LGI3: variants seen among roughly 807,000 people sequenced by gnomAD.
The protein encoded by LGI3 is leucine-rich repeat LGI family member 3.
In LGI3, 47 loss-of-function variants were observed where a neutral mutation model predicts 55.4. The ratio of observed to expected loss-of-function variants is 0.85; its 90% CI spans 0.67 to 1.08. LGI3 has a LOEUF of 1.08. LGI3 is among the 50% of genes least tolerant of loss of function. LGI3 has a pLI of 0.00. For synonymous variants in LGI3, 326 were observed against 315.0 expected, an observed-to-expected ratio of 1.04 and a Z score of -0.37; for missense variants, 664 against 726.3, an observed-to-expected ratio of 0.91 and a Z score of 0.99.
rs1358420422 is a variant in LGI3, at chr8:22,146,915, C to T, written c.*1245G>A. On this transcript the variant is annotated 3_prime_UTR_variant, in exon 8 of 8. Coordinates refer to ENST00000306317, the MANE Select transcript of LGI3 (RefSeq NM_139278.4). ...TGGTATCCTGCTACAAGGAGCATCA[C>T]ACCATTTGGGCACATGGTGTGCCCT... 1 of 152,260 alleles carries T rather than the reference C, an allele frequency of 6.6e-6. No individual in the cohort carries two copies. Among genetic ancestry groups the T allele is most frequent in the African/African-American group, 2.4e-5 (1 of 41,462 alleles). 9.4% of individuals were successfully genotyped at this position (152,260 alleles called of 1,614,324 possible).
At chr8:22,156,235 C>A in intron 1 of LGI3, 102 bp downstream of exon 1, 1 of 1,287,628 alleles carries the variant, frequency 7.8e-7, no homozygotes, top group South Asian at 1.3e-5. Flanking sequence ...CCCTGGTCCC[C>A]GCACTCTGAA....
chr8:22,156,411 AG>A lies in LGI3; in HGVS notation c.131del (p.Ser44PhefsTer26), dbSNP rs770398144. ...CGCAGAAGGCGGTGTCCCTGGTGCAAGAGCAGCTGGGCGGGCAGGGGGGCGT... is the reference window on the plus strand; with the variant it reads ...CGCAGAAGGCGGTGTCCCTGGTGCAAAGCAGCTGGGCGGGCAGGGGGGCGT... ...PKTPPCPPSC[S>X]CTRDTAFCVD... On this transcript the variant is annotated frameshift_variant, in exon 1 of 8. Transcript: ENST00000306317. LOFTEE classifies it high-confidence loss of function. 6.3e-7 allele frequency: 1 copy of A among 1,596,248 alleles called. No individual in the cohort carries two copies. The highest frequency in any genetic ancestry group is 2.3e-5 in the East Asian group (1 of 43,370).
intron 2 of LGI3, 72 bp downstream of exon 2, chr8:22,155,320 C>A: frequency 7.0e-7 from 1 of 1,430,890 alleles, no homozygotes; most frequent in Non-Finnish European, 9.8e-7. Context: ...CTCTCCCTCT[C>A]CCCAGCCCAG....
chr8:22,148,295 C>A lies in LGI3; in HGVS notation c.1512G>T (p.Arg504=), dbSNP rs200683810. 2.5e-6 allele frequency: 4 copies of A among 1,614,156 alleles called. No individual in the cohort carries two copies. The highest frequency in any genetic ancestry group is 4.5e-5 in the East Asian group (2 of 44,886). ...QWDEGRQKFV[R]FQELAVQAPR... is the part of the protein sequence containing the mutation. ...GAGCCTGCACAGCCAGCTCCTGGAA[C>A]CGTACAAACTTCTGTCGTCCCTCAT... is the stretch of plus-strand genomic sequence containing the variant. The change falls in exon 8 of 8, where the codon CGG becomes CGT. Residue 504 remains arginine, a synonymous_variant. Transcript: ENST00000306317. This position sits in a 1 kb window ranked among gnomAD's most constrained non-coding sequence, Gnocchi z 7.0.
rs979491685 is a variant in LGI3, at chr8:22,147,842, G to C, written c.*318C>G. ...GAGGATGCGGCCCCCCTCGCTCCCA[G>C]CACCCCGCACCACTCGTGCATGAGA... On this transcript the variant is annotated 3_prime_UTR_variant, in exon 8 of 8. Transcript: ENST00000306317. 1 of 305,296 alleles carries C rather than the reference G, an allele frequency of 3.3e-6. No individual in the cohort carries two copies. The highest frequency in any genetic ancestry group is 2.2e-5 in the African/African-American group (1 of 46,458). 18.9% of individuals were successfully genotyped at this position (305,296 alleles called of 1,614,324 possible).
rs564873871 is a variant in LGI3, at chr8:22,147,461, C to G, written c.*699G>C. 1.1e-4 allele frequency: 16 copies of G among 152,296 alleles called. No individual in the cohort carries two copies. Among genetic ancestry groups the G allele is most frequent in the African/African-American group, 3.4e-4 (14 of 41,420 alleles). 9.4% of individuals were successfully genotyped at this position (152,296 alleles called of 1,614,324 possible). A position where few individuals can be genotyped will look rare whatever the true frequency, so the allele number is the denominator to read the frequency against. On this transcript the variant is annotated 3_prime_UTR_variant, in exon 8 of 8. Coordinates refer to ENST00000306317, the MANE Select transcript of LGI3 (RefSeq NM_139278.4). ...GCCCTCAGAAGCTGGCACCACCATT[C>G]TCATCCTTATCAGTTCCGGGGGGGG... is the stretch of plus-strand genomic sequence containing the variant.
At position 22,148,410 on chromosome 8, in the gene LGI3, C is replaced by T. The variant is rs541459476; in HGVS notation, c.1397G>A (p.Gly466Asp). 1.2e-6 allele frequency: 2 copies of T among 1,612,640 alleles called. No individual in the cohort carries two copies. The highest frequency in any genetic ancestry group is 2.2e-5 in the East Asian group (1 of 44,864). ...AAGGAAGGGCTGCAGGGCCAGCGAG[C>T]CCCGGGAGGGCAGGGCCTGCACCTC... is the stretch of plus-strand genomic sequence containing the variant. ...FSEVQALPSR[G>D]SLALQPFLVG... The change falls in exon 8 of 8, where the codon GGC (glycine) becomes GAC (aspartate). Residue 466 changes from glycine (G) to aspartate (D), a missense_variant. Gly to Asp is a moderately conservative substitution (Grantham distance 94, BLOSUM62 -1). Transcript: ENST00000306317. The surrounding 1 kb of genome is among the most constrained non-coding windows in gnomAD (Gnocchi z 7.0).
rs752605753 is a variant in LGI3, at chr8:22,151,981, G to A, written c.514C>T (p.Leu172Phe). ...LNDLDLRGNS[L>F]NCDCKVKWLV... is the part of the protein sequence containing the mutation. The stretch of plus-strand genomic sequence containing the variant: ...CACTTCACCTTGCAGTCACAGTTGA[G>A]TGAGTTGCCCCGCAGGTCCCTGCAT... Residue 172 changes from leucine to phenylalanine, a missense_variant, in exon 6 of 8, where the codon CTC becomes TTC. Coordinates refer to ENST00000306317, the MANE Select transcript of LGI3 (RefSeq NM_139278.4). 4 of 1,606,418 alleles carry A rather than the reference G, an allele frequency of 2.5e-6. No homozygotes were observed. The Admixed American group carries it at 6.7e-5, about 27-fold the overall frequency.
rs750466045 is a variant in LGI3 at position 22,148,038 on chromosome 8, C to T, written c.*122G>A. 1.2e-5 allele frequency: 10 copies of T among 819,612 alleles called. No individual in the cohort carries two copies. The highest frequency in any genetic ancestry group is 1.8e-5 in the Non-Finnish European group (9 of 513,188). 50.8% of individuals were successfully genotyped at this position (819,612 alleles called of 1,614,324 possible). ...TGCGCCTGTACACACTGGGCGTGTGCGGATACAAGGGCATGAATGCAGGTT... is the reference window on the plus strand; with the variant it reads ...TGCGCCTGTACACACTGGGCGTGTGTGGATACAAGGGCATGAATGCAGGTT... On this transcript the variant is annotated 3_prime_UTR_variant, in exon 8 of 8. Coordinates refer to ENST00000306317, the MANE Select transcript of LGI3 (RefSeq NM_139278.4). The surrounding 1 kb of genome is among the most constrained non-coding windows in gnomAD (Gnocchi z 7.0).
chr8:22,156,418 C>G lies in LGI3; in HGVS notation c.125G>C (p.Ser42Thr), dbSNP rs1827501743. 1 of 1,591,928 alleles carries G rather than the reference C, an allele frequency of 6.3e-7. No homozygotes were observed. Among genetic ancestry groups the G allele is most frequent in the Non-Finnish European group, 8.5e-7 (1 of 1,170,868 alleles). Reference sequence around the variant, plus strand: ...GGCGGTGTCCCTGGTGCAAGAGCAGCTGGGCGGGCAGGGGGGCGTCTTGGG... The same window carrying G: ...GGCGGTGTCCCTGGTGCAAGAGCAGGTGGGCGGGCAGGGGGGCGTCTTGGG... ...RPPKTPPCPP[S>T]CSCTRDTAFC... Residue 42 changes from serine to threonine, a missense_variant, in exon 1 of 8, where the codon AGC becomes ACC. Transcript: ENST00000306317.
Position 22,151,995 on chromosome 8 carries a change from A to C in LGI3, c.500T>G (p.Leu167Arg). Residue 167 changes from leucine (L) to arginine (R), a missense_variant, in exon 6 of 8, where the codon CTG (leucine) becomes CGG (arginine). By Grantham distance (102) the Leu-to-Arg change is moderately radical (BLOSUM62 -2). Transcript: ENST00000306317. The stretch of plus-strand genomic sequence containing the variant: ...GTCACAGTTGAGTGAGTTGCCCCGC[A>C]GGTCCCTGCATCATGAGGGCAGAGG... ...RPLDILNDLDLRGNSLNCDCK... is the reference protein window; with the variant it reads ...RPLDILNDLDRRGNSLNCDCK... The C allele has an allele frequency of 1.3e-6, 2 of 1,598,344 alleles. No individual in the cohort carries two copies. Among genetic ancestry groups the C allele is most frequent in the South Asian group, 2.2e-5 (2 of 89,718 alleles).
intron 7 of LGI3, 31 bp downstream of exon 7, chr8:22,151,458 G>T: frequency 6.2e-7 from 1 of 1,609,310 alleles, no homozygotes; most frequent in East Asian, 2.2e-5. Flanking sequence ...CCCCTAGCAA[G>T]GGCCAGCAGA....
intron 2 of LGI3, 83 bp from the exon 3 acceptor site, chr8:22,154,714 T>A: frequency 9.4e-7 from 1 of 1,059,196 alleles, no homozygotes. Flanking sequence ...GCCCTGGGCT[T>A]CCCCAAGACA....
Position 22,156,469 on chromosome 8 carries a change from A to G in LGI3, c.74T>C (p.Met25Thr), listed in dbSNP as rs190789584. 216 of 1,498,756 alleles carry G rather than the reference A, an allele frequency of 1.4e-4. No individual in the cohort carries two copies. Among genetic ancestry groups the G allele is most frequent in the South Asian group, 3.4e-4 (26 of 76,040 alleles). 92.8% of individuals were successfully genotyped at this position (1,498,756 alleles called of 1,614,324 possible). A position where few individuals can be genotyped will look rare whatever the true frequency, so the allele number is the denominator to read the frequency against. The change falls in exon 1 of 8, where the codon ATG becomes ACG. Residue 25 changes from methionine (M) to threonine (T), a missense_variant. By Grantham distance (81) the Met-to-Thr change is moderately conservative. Coordinates refer to ENST00000306317, the MANE Select transcript of LGI3 (RefSeq NM_139278.4). ...LALSALGFCL[M>T]LQVSAKRPPK... ...GGGCCTCTTAGCGCTGACTTGCAGC[A>G]TGAGGCAGAAGCCGAGCGCGGAGAG...
At chr8:22,154,987 T>G (rs1055413597) in intron 2 of LGI3, 1 of 411,044 alleles carries the variant, frequency 2.4e-6, no homozygotes, top group Non-Finnish European at 4.5e-6. Flanking sequence ...TCTTGTAGGG[T>G]TGGAGACACT....
At chr8:22,150,351 A>ATTTTTTTT (rs61084616) in intron 7 of LGI3, among the ~76,000 whole-genome samples, 24 of 72,600 alleles carry the variant, frequency 3.3e-4, no homozygotes, top group Admixed American at 6.0e-4. Context: ...TAAGCCTTCT[A>ATTTTTTTT]TTTTTTTTTT....
In LGI3 at chr8:22,148,544, A is replaced by C; in HGVS notation, c.1263T>G (p.Pro421=). Residue 421 remains proline (P), a synonymous_variant, in exon 8 of 8, where the codon CCT becomes CCG. Coordinates refer to ENST00000306317, the MANE Select transcript of LGI3 (RefSeq NM_139278.4). This position sits in a 1 kb window ranked among gnomAD's most constrained non-coding sequence, Gnocchi z 7.0. The stretch of plus-strand genomic sequence containing the variant: ...GAAAGTGTTTCACAGCTTGGGCATC[A>C]GGCACCTGGGTCACCTCACCCTGGG... ...FVAQGEVTQV[P]DAQAVKHFRA... is the part of the protein sequence containing the mutation. 6.2e-7 allele frequency: 1 copy of C among 1,613,794 alleles called. No homozygotes were observed. The highest frequency in any genetic ancestry group is 8.5e-7 in the Non-Finnish European group (1 of 1,180,006).
chr8:22,156,573 G>T lies in LGI3; in HGVS notation c.-31C>A. ...CCGCGATCTCTCCCTGGGGCCGGCG[G>T]CCGCGGCCCCCGCCCCACCGCTCCC... is the stretch of plus-strand genomic sequence containing the variant. On this transcript the variant is annotated 5_prime_UTR_variant, in exon 1 of 8. Transcript: ENST00000306317. 8.5e-6 allele frequency: 8 copies of T among 937,842 alleles called. No individual in the cohort carries two copies. The highest frequency in any genetic ancestry group is 1.1e-5 in the Non-Finnish European group (8 of 723,222). 58.1% of individuals were successfully genotyped at this position (937,842 alleles called of 1,614,324 possible). A position where few individuals can be genotyped will look rare whatever the true frequency, so the allele number is the denominator to read the frequency against.
In LGI3 at chr8:22,153,934, G is replaced by A. The variant is rs146155554; in HGVS notation, c.494+34C>T. ...CTCCCTCCAGGGATGCGCCCTCTGC[G>A]GCACTGTTGGAAGAGGCAGGACTCA... is the stretch of plus-strand genomic sequence containing the variant. On this transcript the variant is annotated intron_variant, in intron 5 of 7. Coordinates refer to ENST00000306317, the MANE Select transcript of LGI3 (RefSeq NM_139278.4). The A allele has an allele frequency of 2.1e-3, 3,331 of 1,602,688 alleles. 79 individuals are homozygous for A. In the African/African-American group the frequency reaches 0.039, roughly 19 times the overall value.
Sources: allele counts gnomAD v4.1 joint callset (sites outside exome capture counted in the v4.1 genomes callset), GRCh38; gene constraint gnomAD v4.1.1; non-coding constraint Gnocchi (gnomAD v3.1); transcripts MANE v1.5; gene names NCBI Gene and HGNC (gene_info 2026-07-23, HGNC 2026-07-21).